The following ALYREF variants were observed in gnomAD, a reference collection of about 807,000 sequenced individuals.
ALYREF encodes THO complex subunit 4.
Under a neutral mutation model 25.2 loss-of-function variants are expected in ALYREF, and 1 was observed. The ratio of observed to expected loss-of-function variants is 0.04; its 90% CI spans 0.01 to 0.19. The LOEUF is 0.19. ALYREF is among the 10% of genes least tolerant of loss of function. The pLI, the probability that ALYREF is intolerant of heterozygous loss-of-function variation, is 1.00. For synonymous variants in ALYREF, 193 were observed against 153.5 expected, an observed-to-expected ratio of 1.26 and a Z score of -1.90; for missense variants, 328 against 375.6, an observed-to-expected ratio of 0.87 and a Z score of 1.05.
Position 81,887,962 on chromosome 17 carries a change from A to G in ALYREF, c.*169T>C, listed in dbSNP as rs2039453838. On this transcript the variant is annotated 3_prime_UTR_variant, in exon 6 of 6. Transcript: ENST00000505490. Reference sequence around the variant, plus strand: ...AAAACAGGTCTGTTTCAGAATTAAAAAAAAAAAAAAAGAAAAAAAAAAAAC... The same window carrying G: ...AAAACAGGTCTGTTTCAGAATTAAAGAAAAAAAAAAAGAAAAAAAAAAAAC... 1.3e-5 allele frequency: 10 copies of G among 797,940 alleles called. No individual in the cohort carries two copies. Among genetic ancestry groups the G allele is most frequent in the Middle Eastern group, 3.9e-4 (1 of 2,558 alleles). 49.4% of individuals were successfully genotyped at this position (797,940 alleles called of 1,614,324 possible). A position where few individuals can be genotyped will look rare whatever the true frequency, so the allele number is the denominator to read the frequency against.
At position 81,888,089 on chromosome 17, in the gene ALYREF, A is replaced by C. The variant is rs778991439; in HGVS notation, c.*42T>G. ...CGCCCCCCAACCAGGGAGCAAGAGG[A>C]GACGCCTGGGTCCTGTTCCGCACGC... On this transcript the variant is annotated 3_prime_UTR_variant, in exon 6 of 6. Transcript: ENST00000505490. This position sits in a 1 kb window ranked among gnomAD's most constrained non-coding sequence, Gnocchi z 5.8. 7 of 1,613,296 alleles carry C rather than the reference A, an allele frequency of 4.3e-6. No individual in the cohort carries two copies. The highest frequency in any genetic ancestry group is 5.9e-6 in the Non-Finnish European group (7 of 1,179,866).
In ALYREF at chr17:81,888,114, C is replaced by T. The variant is rs765655164; in HGVS notation, c.*17G>A. ...AGACGCCTGGGTCCTGTTCCGCACG[C>T]GGATTTGCTGGTCTGTTTAACTGGT... On this transcript the variant is annotated 3_prime_UTR_variant, in exon 6 of 6. Transcript: ENST00000505490. This position sits in a 1 kb window ranked among gnomAD's most constrained non-coding sequence, Gnocchi z 5.8. 41 of 1,613,944 alleles carry T rather than the reference C, an allele frequency of 2.5e-5. 1 individual carries two copies. Among genetic ancestry groups the T allele is most frequent in the Middle Eastern group, 1.7e-4 (1 of 6,018 alleles).
chr17:81,890,886 G>A (rs1423738359), intron 1 of ALYREF, 66 bp from the exon 2 acceptor site: 3 of 1,607,512 alleles, frequency 1.9e-6, no homozygotes, highest in East Asian at 2.2e-5. Context: ...TGACCCTCAC[G>A]GCTACTCCGG....
chr17:81,890,805 C>T lies in ALYREF; in HGVS notation c.274G>A (p.Asp92Asn). Reference sequence around the variant, plus strand: ...TCGAAAAGATCGTGCTGCCACTTGTCGGGAAGTTGTTTTGGCTGAAAAAAA... The same window carrying T: ...TCGAAAAGATCGTGCTGCCACTTGTTGGGAAGTTGTTTTGGCTGAAAAAAA... ...APYSRPKQLPDKWQHDLFDSG... is the reference protein window; with the variant it reads ...APYSRPKQLPNKWQHDLFDSG... Residue 92 changes from aspartate to asparagine, a missense_variant, in exon 2 of 6, where the codon GAC (aspartate) becomes AAC (asparagine). Asp to Asn is a conservative substitution (Grantham distance 23). This residue lies in a region of ALYREF where 150 missense variants were observed against 135.3 expected (regional missense o/e 1.11). Coordinates refer to ENST00000505490, the MANE Select transcript of ALYREF (RefSeq NM_005782.4). The T allele has an allele frequency of 6.2e-7, 1 of 1,614,080 alleles. No homozygotes were observed. Among genetic ancestry groups the T allele is most frequent in the Non-Finnish European group, 8.5e-7 (1 of 1,179,992 alleles).
intron 1 of ALYREF, 25 bp from the exon 2 acceptor site, chr17:81,890,845 C>T (rs1414280020): frequency 7.4e-6 from 12 of 1,614,048 alleles, no homozygotes; most frequent in South Asian, 1.1e-5. Flanking sequence ...GCAACAAGAG[C>T]AGATCTGTGA....
At chr17:81,891,084 C>T (rs1469574942) in intron 1 of ALYREF, 1 of 673,974 alleles carries the variant, frequency 1.5e-6, no homozygotes, top group African/African-American at 1.8e-5. Context: ...CACGAGGCCC[C>T]AACGTCCGGA....
intron 3 of ALYREF, 41 bp downstream of exon 3, chr17:81,889,141 C>A (rs2039469201): frequency 1.2e-6 from 2 of 1,605,512 alleles, no homozygotes; most frequent in Non-Finnish European, 1.7e-6. Flanking sequence ...CCCCAAACTC[C>A]ACAAGCCCCA....
At chr17:81,890,506 G>A (rs979165700) in intron 2 of ALYREF, among the ~76,000 whole-genome samples, 183 bp downstream of exon 2, 1 of 152,180 alleles carries the variant, frequency 6.6e-6, no homozygotes, top group African/African-American at 2.4e-5. Context: ...CTCAGGCTCA[G>A]CTAGGCTCGC....
rs2039464351 is a variant in ALYREF, at chr17:81,888,776, C to G, written c.539-193G>C. ...AAGGAAGCAACCCCACCAACACCTC[C>G]TCACTCCTTCTCAGTCCAGACTAGG... On this transcript the variant is annotated intron_variant, in intron 3 of 5. Coordinates refer to ENST00000505490, the MANE Select transcript of ALYREF (RefSeq NM_005782.4). The surrounding 1 kb of genome is among the most constrained non-coding windows in gnomAD (Gnocchi z 5.8). 15 of 1,444,904 alleles carry G rather than the reference C, an allele frequency of 1.0e-5. No homozygotes were observed. Among genetic ancestry groups the G allele is most frequent in the Non-Finnish European group, 1.1e-5 (12 of 1,099,846 alleles). The allele number at this position is 1,444,904 out of a possible 1,614,324, so 89.5% of individuals were successfully genotyped here. A position where few individuals can be genotyped will look rare whatever the true frequency, so the allele number is the denominator to read the frequency against.
rs1264588005 is a variant in ALYREF at position 81,888,307 on chromosome 17, G to A, written c.714C>T (p.Gly238=). 2 of 1,607,608 alleles carry A rather than the reference G, an allele frequency of 1.2e-6. No homozygotes were observed. The highest frequency in any genetic ancestry group is 2.2e-5 in the East Asian group (1 of 44,842). The stretch of plus-strand genomic sequence containing the variant: ...CCGAAAGCTGCTGCTTTGAATTCCT[G>A]CCGGCACCTCTGCCTCTTCCACGGG... ...GGARGRGRGA[G]RNSKQQLSAE... is the part of the protein sequence containing the mutation. The change falls in exon 5 of 6, where the codon GGC becomes GGT. Residue 238 remains glycine, a synonymous_variant. Coordinates refer to ENST00000505490, the MANE Select transcript of ALYREF (RefSeq NM_005782.4). This position sits in a 1 kb window ranked among gnomAD's most constrained non-coding sequence, Gnocchi z 5.8.
Position 81,887,880 on chromosome 17 carries a change from A to T in ALYREF, c.*251T>A, listed in dbSNP as rs922515037. 1.1e-5 allele frequency: 5 copies of T among 454,844 alleles called. No individual in the cohort carries two copies. In the South Asian group the frequency reaches 2.3e-4, roughly 20 times the overall value. 28.2% of individuals were successfully genotyped at this position (454,844 alleles called of 1,614,324 possible). ...CTATTTTATTATGGAAAAGGTGGAA[A>T]CGCCACCTTCTCCACAACAGCAACC... On this transcript the variant is annotated 3_prime_UTR_variant, in exon 6 of 6. Transcript: ENST00000505490.
In ALYREF at chr17:81,888,234, GA is replaced by G; in HGVS notation, c.780+6del. 6.2e-7 allele frequency: 1 copy of G among 1,613,414 alleles called. No individual in the cohort carries two copies. The highest frequency in any genetic ancestry group is 8.5e-7 in the Non-Finnish European group (1 of 1,179,866). On this transcript the variant is annotated splice_donor_region_variant and intron_variant, in intron 5 of 5. Coordinates refer to ENST00000505490, the MANE Select transcript of ALYREF (RefSeq NM_005782.4). The surrounding 1 kb of genome is among the most constrained non-coding windows in gnomAD (Gnocchi z 5.8). The stretch of plus-strand genomic sequence containing the variant: ...CCAGGCCCCCAGCTGGCTCCCCCGG[GA>G]CTCACTCTCGCATTATAGGCGTCCA...
In ALYREF at chr17:81,888,140, G is replaced by T. The variant is rs778815101; in HGVS notation, c.786C>A (p.Asp262Glu). 2 of 1,614,038 alleles carry T rather than the reference G, an allele frequency of 1.2e-6. No individual in the cohort carries two copies. Among genetic ancestry groups the T allele is most frequent in the African/African-American group, 2.7e-5 (2 of 74,920 alleles). The change falls in exon 6 of 6, where the codon GAC becomes GAA. Residue 262 changes from aspartate (D) to glutamate (E), a missense_variant. By Grantham distance (45) the Asp-to-Glu change is conservative (BLOSUM62 2). Coordinates refer to ENST00000505490, the MANE Select transcript of ALYREF (RefSeq NM_005782.4). This position sits in a 1 kb window ranked among gnomAD's most constrained non-coding sequence, Gnocchi z 5.8. ...GGATTTGCTGGTCTGTTTAACTGGT[G>T]TCCATCTGAAACACAGAGGAGAAAG... is the stretch of plus-strand genomic sequence containing the variant. Reference protein sequence around the residue: ...AQLDAYNARMDTS With the variant: ...AQLDAYNARMETS
At chr17:81,890,500 G>A (rs1426140720) in intron 2 of ALYREF, among the ~76,000 whole-genome samples, 189 bp downstream of exon 2, 2 of 152,102 alleles carry the variant, frequency 1.3e-5, no homozygotes, top group Non-Finnish European at 2.9e-5. Context: ...CAGTTCCTCA[G>A]GCTCAGCTAG....
chr17:81,890,835 G>A lies in ALYREF; in HGVS notation c.259-15C>T, dbSNP rs776730963. ...AGTTGTTTTGGCTGAAAAAAAAACC[G>A]CAACAAGAGCAGATCTGTGAGTCTC... On this transcript the variant is annotated splice_polypyrimidine_tract_variant and intron_variant, in intron 1 of 5. Transcript: ENST00000505490. 1.2e-6 allele frequency: 2 copies of A among 1,613,816 alleles called. No homozygotes were observed. Among genetic ancestry groups the A allele is most frequent in the South Asian group, 1.1e-5 (1 of 91,066 alleles).
chr17:81,890,638 G>A, intron 2 of ALYREF, 51 bp downstream of exon 2: 1 of 1,593,966 alleles, frequency 6.3e-7, no homozygotes, highest in Non-Finnish European at 8.5e-7. Context: ...CCAAAATCAC[G>A]ATCCGTCCTG....
Position 81,888,526 on chromosome 17 carries a change from G to A in ALYREF, c.596C>T (p.Ala199Val). The part of the protein sequence containing the change: ...TSQIDAQRRP[A>V]QSVNRGGMTR... Reference sequence around the variant, plus strand: ...CAGAGGCCCCGGAAGTCACCTCTGTGCAGGCCTCCGCTGTGCGTCAATCTG... The same window carrying A: ...CAGAGGCCCCGGAAGTCACCTCTGTACAGGCCTCCGCTGTGCGTCAATCTG... Residue 199 changes from alanine to valine, a missense_variant, in exon 4 of 6, where the codon GCA becomes GTA. Ala to Val is a moderately conservative substitution (Grantham distance 64). Coordinates refer to ENST00000505490, the MANE Select transcript of ALYREF (RefSeq NM_005782.4). The surrounding 1 kb of genome is among the most constrained non-coding windows in gnomAD (Gnocchi z 5.8). 6.3e-7 allele frequency: 1 copy of A among 1,598,096 alleles called. No individual in the cohort carries two copies. The highest frequency in any genetic ancestry group is 8.5e-7 in the Non-Finnish European group (1 of 1,171,548).
rs2039452846 is a variant in ALYREF, at chr17:81,887,897, A to G, written c.*234T>C. On this transcript the variant is annotated 3_prime_UTR_variant, in exon 6 of 6. Coordinates refer to ENST00000505490, the MANE Select transcript of ALYREF (RefSeq NM_005782.4). Reference sequence around the variant, plus strand: ...AGGTGGAAACGCCACCTTCTCCACAACAGCAACCAGTAAAATTTATCCCAA... The same window carrying G: ...AGGTGGAAACGCCACCTTCTCCACAGCAGCAACCAGTAAAATTTATCCCAA... 2.0e-6 allele frequency: 1 copy of G among 504,352 alleles called. No individual in the cohort carries two copies. The highest frequency in any genetic ancestry group is 3.4e-6 in the Non-Finnish European group (1 of 294,362). The allele number at this position is 504,352 out of a possible 1,614,324, so 31.2% of individuals were successfully genotyped here.
chr17:81,891,200 C>T (rs951519883), intron 1 of ALYREF, 123 bp downstream of exon 1: 9 of 823,342 alleles, frequency 1.1e-5, no homozygotes, highest in African/African-American at 3.8e-5. Context: ...CCCTCCGGAC[C>T]TCCGGGCGGC....
Sources: allele counts gnomAD v4.1 joint callset (sites outside exome capture counted in the v4.1 genomes callset), GRCh38; gene constraint gnomAD v4.1.1; regional missense constraint gnomAD v4.1.1; non-coding constraint Gnocchi (gnomAD v3.1); transcripts MANE v1.5; gene names NCBI Gene and HGNC (gene_info 2026-07-23, HGNC 2026-07-21).